The following HRG variants were observed in gnomAD, a reference collection of about 807,000 sequenced individuals.
HRG encodes histidine-rich glycoprotein.
In HRG, 26 loss-of-function variants were observed where a neutral mutation model predicts 29.5. That is an observed-to-expected ratio of 0.88 (90% CI 0.65 to 1.22). The LOEUF is 1.22. Among genes scored for constraint, HRG ranks in the 50% most tolerant of loss-of-function variants. The probability of loss-of-function intolerance (pLI) is 0.00; values close to 1 mark genes in which losing one functional copy is unlikely to be tolerated. For missense variants in HRG, 671 were observed against 654.5 expected, an observed-to-expected ratio of 1.03 and a Z score of -0.28; for synonymous variants, 243 against 240.4, an observed-to-expected ratio of 1.01 and a Z score of -0.10.
At position 186,677,366 on chromosome 3, in the gene HRG, A is replaced by T; in HGVS notation, c.1061A>T (p.His354Leu). 1 of 1,613,868 alleles carries T rather than the reference A, an allele frequency of 6.2e-7. No homozygotes were observed. Among genetic ancestry groups the T allele is most frequent in the Non-Finnish European group, 8.5e-7 (1 of 1,179,970 alleles). ...TCCAGTGACCTCCATCCCCATAAGC[A>T]TCATTCCCATGAACAGCATCCCCAC... is the stretch of plus-strand genomic sequence containing the variant. ...NNSSDLHPHK[H>L]HSHEQHPHGH... The change falls in exon 7 of 7, where the codon CAT becomes CTT. Residue 354 changes from histidine (H) to leucine (L), a missense_variant. Coordinates refer to ENST00000232003, the MANE Select transcript of HRG (RefSeq NM_000412.5).
At position 186,677,037 on chromosome 3, in the gene HRG, C is replaced by A. The variant is rs755451982; in HGVS notation, c.742-10C>A. 2 of 1,614,054 alleles carry A rather than the reference C, an allele frequency of 1.2e-6. No individual in the cohort carries two copies. Among genetic ancestry groups the A allele is most frequent in the Admixed American group, 3.3e-5 (2 of 60,014 alleles). ...CATGATGATAGGCACTTTTCTGTGA[C>A]CTTTTCCAGGAACATGAGAACATCA... On this transcript the variant is annotated splice_polypyrimidine_tract_variant and intron_variant, in intron 6 of 6. Transcript: ENST00000232003.
At chr3:186,674,693 A>G (rs571544193) in intron 5 of HRG, 10 of 337,854 alleles carry the variant, frequency 3.0e-5, no homozygotes, top group African/African-American at 2.1e-4. Context: ...CTTTCCTCCA[A>G]GGGACCAGCT....
chr3:186,675,359 CAGGG>C (rs1718949052), intron 6 of HRG, among the ~76,000 whole-genome samples, 169 bp downstream of exon 6: 1 of 129,662 alleles, frequency 7.7e-6, no homozygotes, highest in African/African-American at 2.8e-5. Flanking sequence ...GAGAGGGAGA[CAGGG>C]AGAGAGAGAA....
rs1718693042 is a variant in HRG at position 186,668,879 on chromosome 3, A to AG, written c.184-56_184-55insG. The AG allele has an allele frequency of 8.3e-6, 8 of 964,246 alleles. 1 individual carries two copies. The South Asian group carries it at 1.1e-4, about 13-fold the overall frequency. 59.7% of individuals were successfully genotyped at this position (964,246 alleles called of 1,614,324 possible). ...TAAATATATAGCTTTAATACATAAA[A>AG]AAAAACCCGCTAGGTTTCCATGTGC... On this transcript the variant is annotated intron_variant, in intron 1 of 6. Coordinates refer to ENST00000232003, the MANE Select transcript of HRG (RefSeq NM_000412.5).
intron 4 of HRG, among the ~76,000 whole-genome samples, chr3:186,672,278 G>A (rs568572870): frequency 4.6e-5 from 7 of 152,328 alleles, no homozygotes; most frequent in South Asian, 2.1e-4. Context: ...AAAATGCAGC[G>A]TTAAATAGAT....
intron 3 of HRG, among the ~76,000 whole-genome samples, chr3:186,670,391 G>C (rs1159049004): frequency 2.6e-5 from 4 of 151,926 alleles, no homozygotes; most frequent in African/African-American, 4.8e-5. Context: ...TAAAGTCTTG[G>C]GACTATGAAG....
intron 3 of HRG, among the ~76,000 whole-genome samples, 157 bp downstream of exon 3, chr3:186,670,185 C>T (rs1718743421): frequency 6.6e-6 from 1 of 152,146 alleles, no homozygotes; most frequent in Non-Finnish European, 1.5e-5. Context: ...TCATAGACTC[C>T]ATTATTATTC....
intron 5 of HRG, chr3:186,674,744 C>A: frequency 2.8e-6 from 1 of 362,544 alleles, no homozygotes; most frequent in Non-Finnish European, 5.4e-6. Flanking sequence ...TCCTCATTGT[C>A]CTAGGCACAG....
At chr3:186,670,295 T>A (rs1019348154) in intron 3 of HRG, among the ~76,000 whole-genome samples, 4 of 152,180 alleles carry the variant, frequency 2.6e-5, no homozygotes, top group African/African-American at 9.7e-5. Flanking sequence ...GAGAGGTAGG[T>A]TAGCCTCATT....
intron 1 of HRG, 82 bp from the exon 2 acceptor site, chr3:186,668,853 A>G (rs1301571211): frequency 1.3e-6 from 1 of 748,006 alleles, no homozygotes; most frequent in African/African-American, 1.9e-5. Context: ...TGTTTAAGTA[A>G]TAAATATATA....
At chr3:186,666,359 C>T (rs1718611466) in intron 1 of HRG, 145 bp downstream of exon 1, 1 of 764,268 alleles carries the variant, frequency 1.3e-6, no homozygotes, top group Non-Finnish European at 2.2e-6. Context: ...CTAAATTGTT[C>T]TTTTTTCCTT....
chr3:186,668,296 G>A (rs564310112), intron 1 of HRG, among the ~76,000 whole-genome samples: 9 of 152,168 alleles, frequency 5.9e-5, no homozygotes, highest in Non-Finnish European at 1.2e-4. Context: ...TCAGACCTGG[G>A]TTAGTGGGAG....
Position 186,666,280 on chromosome 3 carries a change from C to G in HRG, c.183+66C>G. The G allele has an allele frequency of 2.6e-6, 4 of 1,522,206 alleles. No homozygotes were observed. In the South Asian group the frequency reaches 3.4e-5, roughly 13 times the overall value. The allele number at this position is 1,522,206 out of a possible 1,614,324, so 94.3% of individuals were successfully genotyped here. Reference sequence around the variant, plus strand: ...TCACGGGGGCAAATGTGACTCTACCCCCTAGGCTTACTGCTTTGCACAATG... The same window carrying G: ...TCACGGGGGCAAATGTGACTCTACCGCCTAGGCTTACTGCTTTGCACAATG... On this transcript the variant is annotated intron_variant, in intron 1 of 6. Coordinates refer to ENST00000232003, the MANE Select transcript of HRG (RefSeq NM_000412.5).
rs1280536681 is a variant in HRG at position 186,668,429 on chromosome 3, C to T, written c.184-506C>T. On this transcript the variant is annotated intron_variant, in intron 1 of 6. Coordinates refer to ENST00000232003, the MANE Select transcript of HRG (RefSeq NM_000412.5). ...ATCTCGTAGGTTTACATGTTTTACC[C>T]CAGAGTCTAAGGCAATATGTTGTTA... is the stretch of plus-strand genomic sequence containing the variant. Among the ~76,000 whole-genome samples, 3 of 152,072 alleles carry T rather than the reference C, an allele frequency of 2.0e-5. No homozygotes were observed. In the East Asian group the frequency reaches 5.8e-4, roughly 29 times the overall value.
intron 1 of HRG, 58 bp downstream of exon 1, chr3:186,666,272 A>T: frequency 1.3e-6 from 2 of 1,552,474 alleles, no homozygotes. Flanking sequence ...GGCAAATGTG[A>T]CTCTACCCCC....
rs189693375 is a variant in HRG, at chr3:186,675,195, G to C, written c.741+5G>C. ...TGTGAAGTCTTCGACCCTCAGGTGG[G>C]TTGTCTAAGCAGACTTTGTCATGGC... is the stretch of plus-strand genomic sequence containing the variant. On this transcript the variant is annotated splice_donor_5th_base_variant and intron_variant, in intron 6 of 6. Transcript: ENST00000232003. 23 of 1,600,750 alleles carry C rather than the reference G, an allele frequency of 1.4e-5. No homozygotes were observed. Among genetic ancestry groups the C allele is most frequent in the Non-Finnish European group, 3.4e-6 (4 of 1,168,056 alleles).
chr3:186,677,564 C>G lies in HRG; in HGVS notation c.1259C>G (p.Pro420Arg). ...CAAGACTATGGACCTTGTGACCCAC[C>G]ACCCCATAACCAAGGTCACTGTTGC... ...DFQDYGPCDP[P>R]PHNQGHCCHG... The change falls in exon 7 of 7, where the codon CCA (proline) becomes CGA (arginine). Residue 420 changes from proline (P) to arginine (R), a missense_variant. Pro to Arg is a moderately radical substitution (Grantham distance 103). Coordinates refer to ENST00000232003, the MANE Select transcript of HRG (RefSeq NM_000412.5). 1.2e-6 allele frequency: 2 copies of G among 1,613,946 alleles called. No individual in the cohort carries two copies. The highest frequency in any genetic ancestry group is 1.7e-6 in the Non-Finnish European group (2 of 1,179,894).
At position 186,677,326 on chromosome 3, in the gene HRG, T is replaced by C. The variant is rs761378787; in HGVS notation, c.1021T>C (p.Ser341Pro). ...TGGCACAAATGGGGCCCAAAGACATTCTCATAATAATAATTCCAGTGACCT... is the reference window on the plus strand; with the variant it reads ...TGGCACAAATGGGGCCCAAAGACATCCTCATAATAATAATTCCAGTGACCT... ...TFGTNGAQRH[S>P]HNNNSSDLHP... The change falls in exon 7 of 7, where the codon TCT becomes CCT. Residue 341 changes from serine to proline, a missense_variant. Transcript: ENST00000232003. 95 of 1,613,852 alleles carry C rather than the reference T, an allele frequency of 5.9e-5. No individual in the cohort carries two copies. Among genetic ancestry groups the C allele is most frequent in the Non-Finnish European group, 7.6e-5 (90 of 1,179,998 alleles).
chr3:186,668,798 G>T (rs748263659), intron 1 of HRG, 137 bp from the exon 2 acceptor site: 1 of 653,766 alleles, frequency 1.5e-6, no homozygotes, highest in Non-Finnish European at 2.7e-6. Flanking sequence ...ATCAAATGAC[G>T]CAAAGGTAGA....
Sources: gnomAD v4.1 joint callset for allele counts (sites outside exome capture counted in the v4.1 genomes callset) on GRCh38, gnomAD v4.1.1 for gene constraint, MANE v1.5 for transcripts, NCBI Gene and HGNC (gene_info 2026-07-23, HGNC 2026-07-21) for gene names.